Variants in CADM2 observed in about 807,000 individuals in gnomAD.
The protein encoded by CADM2 is cell adhesion molecule 2.
Under a neutral mutation model 49.8 loss-of-function variants are expected in CADM2, and 12 were observed. That is an observed-to-expected ratio of 0.24 (90% CI 0.15 to 0.39). The LOEUF is 0.39. Among genes scored for constraint, CADM2 ranks in the 10% least tolerant of loss-of-function variants. The pLI is 1.00. For missense variants in CADM2, 378 were observed against 492.3 expected (o/e 0.77, Z 2.20); for synonymous variants, 214 against 175.4 (o/e 1.22, Z -1.74).
Position 85,187,893 on chromosome 3 carries a change from T to A in CADM2, c.61+228225T>A, listed in dbSNP as rs529825395. Among the ~76,000 whole-genome samples the A allele has an allele frequency of 1.9e-3, 291 of 152,190 alleles. 2 individuals are homozygous for A. Among genetic ancestry groups the A allele is most frequent in the African/African-American group, 6.7e-3 (279 of 41,574 alleles). ...TGAATTTGTGAAGTATCTTGTGAAG[T>A]CCTTGATGTATCAGAATTTAATTAG... On this transcript the variant is annotated intron_variant, in intron 1 of 9. Coordinates refer to ENST00000383699, the MANE Select transcript of CADM2 (RefSeq NM_001167675.2).
intron 1 of CADM2, among the ~76,000 whole-genome samples, chr3:84,984,356 T>TAAAA (rs375702349): frequency 0.012 from 800 of 67,012 alleles, 62 homozygotes; most frequent in African/African-American, 0.019. Flanking sequence ...AAGATTAAGC[T>TAAAA]AAAAAAAAAA....
Position 85,359,666 on chromosome 3 carries a change from A to ATATTT in CADM2, c.62-366855_62-366854insATTTT. On this transcript the variant is annotated intron_variant, in intron 1 of 9. Transcript: ENST00000383699. ...TATATATATATATATATATATATAT[A>ATATTT]TTTTTTTTTTTGGTGGAGGGGAGAA... is the stretch of plus-strand genomic sequence containing the variant. Among the ~76,000 whole-genome samples, 12 of 26,558 alleles carry ATATTT rather than the reference A, an allele frequency of 4.5e-4. 1 individual carries two copies. The highest frequency in any genetic ancestry group is 1.1e-3 in the African/African-American group (10 of 9,388). The allele number at this position is 26,558 out of a possible 152,430, so 17.4% of individuals were successfully genotyped here.
intron 1 of CADM2, among the ~76,000 whole-genome samples, chr3:85,162,955 T>C (rs1358136504): frequency 6.6e-6 from 1 of 152,012 alleles, no homozygotes; most frequent in Non-Finnish European, 1.5e-5. Flanking sequence ...TATATATATA[T>C]ATGACTATTG....
At chr3:86,027,169 G>A (rs918078268) in intron 8 of CADM2, among the ~76,000 whole-genome samples, 2 of 151,984 alleles carry the variant, frequency 1.3e-5, no homozygotes, top group African/African-American at 4.8e-5. Context: ...ATTGTTTAGT[G>A]TGGATTCCCT....
intron 1 of CADM2, among the ~76,000 whole-genome samples, chr3:85,386,759 G>T (rs1170062382): frequency 2.6e-5 from 4 of 152,182 alleles, no homozygotes; most frequent in Non-Finnish European, 4.4e-5. Flanking sequence ...TACTACTAAA[G>T]TGTGAGAATG....
chr3:85,472,362 G>T (rs1178959366), intron 1 of CADM2, among the ~76,000 whole-genome samples: 2 of 151,780 alleles, frequency 1.3e-5, no homozygotes, highest in Non-Finnish European at 2.9e-5. Context: ...TGAGGGAAAA[G>T]TATAAGTTGT....
intron 1 of CADM2, among the ~76,000 whole-genome samples, chr3:85,218,320 A>C (rs2041975692): frequency 6.6e-6 from 1 of 152,166 alleles, no homozygotes; most frequent in African/African-American, 2.4e-5. Flanking sequence ...AAGTTGTTAT[A>C]AAAGATTTTG....
chr3:86,028,850 T>C (rs556694388), intron 8 of CADM2, among the ~76,000 whole-genome samples: 9 of 152,308 alleles, frequency 5.9e-5, no homozygotes, highest in Admixed American at 5.2e-4. Flanking sequence ...GATTAAATTA[T>C]GCAGTGCACT....
intron 1 of CADM2, among the ~76,000 whole-genome samples, chr3:85,599,527 A>G (rs2063337046): frequency 6.6e-6 from 1 of 151,972 alleles, no homozygotes; most frequent in South Asian, 2.1e-4. Context: ...ATGAATTAAT[A>G]TTATTCCTTC....
chr3:84,961,465 C>T (rs537786597), intron 1 of CADM2, among the ~76,000 whole-genome samples: 1 of 152,260 alleles, frequency 6.6e-6, no homozygotes, highest in African/African-American at 2.4e-5. Flanking sequence ...CGTACACCGC[C>T]GAGTCCCATT....
In CADM2 at chr3:84,959,901, T is replaced by C. The variant is rs576658880; in HGVS notation, c.61+233T>C. On this transcript the variant is annotated intron_variant, in intron 1 of 9. Transcript: ENST00000383699. ...CAGTCAGCCCCTTACGCGGCACCTT[T>C]TGCCTTCTCATTCACCTGAGCTTCC... Among the ~76,000 whole-genome samples the C allele has an allele frequency of 2.6e-5, 4 of 152,200 alleles. No homozygotes were observed. In the South Asian group the frequency reaches 8.3e-4, roughly 32 times the overall value.
At chr3:85,694,924 A>T (rs1233258154) in intron 1 of CADM2, among the ~76,000 whole-genome samples, 3 of 149,608 alleles carry the variant, frequency 2.0e-5, no homozygotes, top group Non-Finnish European at 4.5e-5. Flanking sequence ...GTGAGATCCT[A>T]TCTCTAAAAA....
At chr3:85,955,179 A>AT (rs147529757) in intron 7 of CADM2, among the ~76,000 whole-genome samples, 9 of 151,310 alleles carry the variant, frequency 5.9e-5, no homozygotes, top group South Asian at 2.1e-4. Flanking sequence ...TGAATGTGAC[A>AT]TTTTTTTCAA....
intron 3 of CADM2, among the ~76,000 whole-genome samples, chr3:85,803,802 T>G (rs2108085227): frequency 6.6e-6 from 1 of 152,290 alleles, no homozygotes; most frequent in South Asian, 2.1e-4. Flanking sequence ...TTTTAAATGT[T>G]AAACTCATCT....
intron 1 of CADM2, among the ~76,000 whole-genome samples, chr3:85,110,873 G>C (rs917893229): frequency 6.6e-6 from 1 of 151,814 alleles, no homozygotes; most frequent in Non-Finnish European, 1.5e-5. Flanking sequence ...ACAATCCACA[G>C]CCAAGATTTG....
chr3:85,311,364 T>TTA (rs1553707374), intron 1 of CADM2, among the ~76,000 whole-genome samples: 3 of 148,158 alleles, frequency 2.0e-5, no homozygotes, highest in African/African-American at 7.5e-5. Flanking sequence ...TTTATTTATA[T>TTA]TTATTATTAT....
intron 1 of CADM2, among the ~76,000 whole-genome samples, chr3:85,466,986 T>C (rs2107600978): frequency 6.6e-6 from 1 of 152,302 alleles, no homozygotes; most frequent in African/African-American, 2.4e-5. Flanking sequence ...CTTCAATACT[T>C]TTCTAGAATT....
chr3:85,961,382 T>A (rs1273030340), intron 7 of CADM2, 87 bp from the exon 8 acceptor site: 2 of 1,156,460 alleles, frequency 1.7e-6, no homozygotes, highest in Non-Finnish European at 2.4e-6. Flanking sequence ...AAAATACATG[T>A]TAAATATTAA....
At chr3:85,412,379 A>T (rs2035694730) in intron 1 of CADM2, among the ~76,000 whole-genome samples, 1 of 152,176 alleles carries the variant, frequency 6.6e-6, no homozygotes, top group African/African-American at 2.4e-5. Context: ...AAAATTGACA[A>T]TATATAGTAA....
Sources: gnomAD v4.1 joint callset for allele counts (sites outside exome capture counted in the v4.1 genomes callset) on GRCh38, gnomAD v4.1.1 for gene constraint, MANE v1.5 for transcripts, NCBI Gene and HGNC (gene_info 2026-07-23, HGNC 2026-07-21) for gene names.